Variants in CA8 observed in about 807,000 individuals in gnomAD.
CA8 encodes the protein carbonic anhydrase 8 (inactive), also known as carbonic anhydrase-related protein.
Under a neutral mutation model 41.4 loss-of-function variants are expected in CA8, and 22 were observed. The ratio of observed to expected loss-of-function variants is 0.53; its 90% CI spans 0.38 to 0.76. CA8 has a LOEUF of 0.76. Among genes scored for constraint, CA8 ranks in the 30% least tolerant of loss-of-function variants. The pLI is 0.00. For synonymous variants in CA8, 121 were observed against 130.6 expected (o/e 0.93, Z 0.50); for missense variants, 270 against 352.8 (o/e 0.77, Z 1.88).
At chr8:60,259,167 G>A (rs1803650972) in intron 3 of CA8, among the ~76,000 whole-genome samples, 1 of 152,166 alleles carries the variant, frequency 6.6e-6, no homozygotes, top group Admixed American at 6.5e-5. Flanking sequence ...GAGTTATTTA[G>A]ATGGCCACCC....
chr8:60,269,512 T>C (rs556056839), intron 2 of CA8, among the ~76,000 whole-genome samples: 2 of 152,358 alleles, frequency 1.3e-5, no homozygotes, highest in African/African-American at 4.8e-5. Flanking sequence ...CGCTTGGCAA[T>C]TGCATTTATA....
At chr8:60,192,078 TTATA>T (rs1013653626) in intron 8 of CA8, among the ~76,000 whole-genome samples, 1 of 152,132 alleles carries the variant, frequency 6.6e-6, no homozygotes, top group African/African-American at 2.4e-5. Flanking sequence ...CTTTTCTTAC[TTATA>T]TATTTTTCAA....
At chr8:60,233,428 A>G (rs1420676392) in intron 3 of CA8, among the ~76,000 whole-genome samples, 2 of 152,190 alleles carry the variant, frequency 1.3e-5, no homozygotes, top group Non-Finnish European at 1.5e-5. Flanking sequence ...GAGCTAATGA[A>G]GTCCTCTACC....
At chr8:60,217,573 C>T (rs1460624540) in intron 7 of CA8, among the ~76,000 whole-genome samples, 1 of 152,218 alleles carries the variant, frequency 6.6e-6, no homozygotes, top group African/African-American at 2.4e-5. Context: ...ACACTAACAG[C>T]TTCACCCACC....
intron 7 of CA8, among the ~76,000 whole-genome samples, chr8:60,220,788 A>C (rs10103871): frequency 0.34 from 52,004 of 151,978 alleles, 9,585 homozygotes; most frequent in Admixed American, 0.43. Context: ...CCCCGCCGTT[A>C]GGGTAGTTAT....
At chr8:60,207,921 A>G (rs1382932223) in intron 8 of CA8, 16 of 152,162 alleles carry the variant, frequency 1.1e-4, no homozygotes, top group Non-Finnish European at 2.4e-4. Context: ...ACACCCAGCT[A>G]ATTTTTAAAT....
intron 3 of CA8, among the ~76,000 whole-genome samples, chr8:60,246,945 G>A (rs1018962521): frequency 4.3e-5 from 6 of 140,034 alleles, no homozygotes; most frequent in Non-Finnish European, 7.5e-5. Flanking sequence ...GTTCAGTGGC[G>A]CGATCTCGGC....
At chr8:60,252,351 G>A (rs1252881653) in intron 3 of CA8, among the ~76,000 whole-genome samples, 1 of 152,236 alleles carries the variant, frequency 6.6e-6, no homozygotes, top group African/African-American at 2.4e-5. Context: ...CTCAGGCAGA[G>A]GCATATAGTA....
intron 2 of CA8, among the ~76,000 whole-genome samples, chr8:60,274,620 T>C (rs917795137): frequency 2.0e-5 from 3 of 152,148 alleles, no homozygotes; most frequent in Admixed American, 6.5e-5. Flanking sequence ...GAGGCTCTTA[T>C]AAAAGGGCTC....
At position 60,281,208 on chromosome 8, in the gene CA8, G is replaced by C; in HGVS notation, c.-61C>G. 3 of 1,225,058 alleles carry C rather than the reference G, an allele frequency of 2.4e-6. No individual in the cohort carries two copies. Among genetic ancestry groups the C allele is most frequent in the Non-Finnish European group, 3.5e-6 (3 of 861,160 alleles). 75.9% of individuals were successfully genotyped at this position (1,225,058 alleles called of 1,614,324 possible). A position where few individuals can be genotyped will look rare whatever the true frequency, so the allele number is the denominator to read the frequency against. ...CAGTGCCTGCGCCTTCGCTGGGCGC[G>C]GGGCTGGAGCCGGAGCGGAGCGCGC... is the stretch of plus-strand genomic sequence containing the variant. On this transcript the variant is annotated 5_prime_UTR_variant, in exon 1 of 9. Coordinates refer to ENST00000317995, the MANE Select transcript of CA8 (RefSeq NM_004056.6).
chr8:60,265,195 G>A (rs1430274966), intron 3 of CA8: 2 of 152,396 alleles, frequency 1.3e-5, no homozygotes, highest in Non-Finnish European at 2.9e-5. Flanking sequence ...AGTAAAAAGG[G>A]GGTGAGAGGG....
chr8:60,229,736 C>T (rs1223433637), intron 4 of CA8, among the ~76,000 whole-genome samples: 1 of 152,180 alleles, frequency 6.6e-6, no homozygotes, highest in East Asian at 1.9e-4. Context: ...GCTCTTTCCT[C>T]TCTCCCCTTC....
intron 2 of CA8, among the ~76,000 whole-genome samples, chr8:60,269,226 A>G (rs1027731084): frequency 5.3e-5 from 8 of 152,138 alleles, no homozygotes; most frequent in Non-Finnish European, 1.0e-4. Context: ...CTCCCTTTTT[A>G]CTGCTTACAT....
chr8:60,200,848 G>A (rs1806404846), intron 8 of CA8, among the ~76,000 whole-genome samples: 3 of 152,104 alleles, frequency 2.0e-5, no homozygotes, highest in African/African-American at 4.8e-5. Flanking sequence ...TGGCATGCAA[G>A]TTTGAGTGCT....
At chr8:60,253,234 C>CA (rs971093322) in intron 3 of CA8, among the ~76,000 whole-genome samples, 13 of 151,816 alleles carry the variant, frequency 8.6e-5, no homozygotes, top group East Asian at 5.8e-4. Context: ...GACCCTATCT[C>CA]AAAAAAATAA....
chr8:60,204,503 T>C (rs965924085), intron 8 of CA8, among the ~76,000 whole-genome samples: 3 of 152,230 alleles, frequency 2.0e-5, no homozygotes, highest in Non-Finnish European at 4.4e-5. Context: ...AAAGCACGAA[T>C]TATTTTCTTT....
chr8:60,229,664 A>T (rs1473894972), intron 4 of CA8, among the ~76,000 whole-genome samples: 3 of 152,058 alleles, frequency 2.0e-5, no homozygotes, highest in Non-Finnish European at 4.4e-5. Flanking sequence ...TCTCATTCTG[A>T]AAACTTTAAC....
At chr8:60,279,978 G>T in intron 1 of CA8, 98 bp from the exon 2 acceptor site, 1 of 915,172 alleles carries the variant, frequency 1.1e-6, no homozygotes, top group Non-Finnish European at 1.7e-6. Flanking sequence ...TTGATATCAT[G>T]AAGAGAGTAA....
At chr8:60,234,367 A>G (rs1272152635) in intron 3 of CA8, among the ~76,000 whole-genome samples, 1 of 152,220 alleles carries the variant, frequency 6.6e-6, no homozygotes, top group Non-Finnish European at 1.5e-5. Context: ...GAAGAAGGAC[A>G]TTAGGTAAAT....
Sources: allele counts gnomAD v4.1 joint callset (sites outside exome capture counted in the v4.1 genomes callset), GRCh38; gene constraint gnomAD v4.1.1; transcripts MANE v1.5; gene names NCBI Gene and HGNC (gene_info 2026-07-23, HGNC 2026-07-21).